The following DTX4 variants were observed in gnomAD, a reference collection of about 807,000 sequenced individuals.
DTX4 encodes the protein deltex E3 ubiquitin ligase 4.
DTX4 carries 28 observed loss-of-function variants against 57.6 expected under a neutral mutation model. The ratio of observed to expected loss-of-function variants is 0.49; its 90% CI spans 0.36 to 0.67. The LOEUF is 0.67. Among genes scored for constraint, DTX4 ranks in the 30% least tolerant of loss-of-function variants. The probability of loss-of-function intolerance (pLI) is 0.00; values close to 1 mark genes in which losing one functional copy is unlikely to be tolerated. For synonymous variants in DTX4, 316 were observed against 331.0 expected, an observed-to-expected ratio of 0.95 and a Z score of 0.49; for missense variants, 715 against 836.8, an observed-to-expected ratio of 0.85 and a Z score of 1.80.
intron 2 of DTX4, among the ~76,000 whole-genome samples, chr11:59,185,626 C>G (rs745846564): frequency 6.6e-6 from 1 of 152,146 alleles, no homozygotes; most frequent in Non-Finnish European, 1.5e-5. Flanking sequence ...ACTTCATGGG[C>G]TGTTCTCCAA....
At chr11:59,178,660 GA>G (rs1862423775) in intron 1 of DTX4, among the ~76,000 whole-genome samples, 1 of 152,228 alleles carries the variant, frequency 6.6e-6, no homozygotes, top group African/African-American at 2.4e-5. Context: ...AGGATGGTAT[GA>G]AAAATGTTGC....
In DTX4 at chr11:59,205,189, C is replaced by T; in HGVS notation, c.*280C>T. ...GGTGCTGGGTAGGCAGGAATCCCCT[C>T]CCTACCCCACCTCCCAAGTAGGGGC... On this transcript the variant is annotated 3_prime_UTR_variant, in exon 9 of 9. Coordinates refer to ENST00000227451, the MANE Select transcript of DTX4 (RefSeq NM_015177.2). 1 of 405,132 alleles carries T rather than the reference C, an allele frequency of 2.5e-6. No individual in the cohort carries two copies. Among genetic ancestry groups the T allele is most frequent in the Admixed American group, 3.5e-5 (1 of 28,212 alleles). The allele number at this position is 405,132 out of a possible 1,614,324, so 25.1% of individuals were successfully genotyped here.
chr11:59,191,436 C>G (rs1268415051), intron 5 of DTX4, among the ~76,000 whole-genome samples: 2 of 152,204 alleles, frequency 1.3e-5, no homozygotes, highest in Non-Finnish European at 2.9e-5. Context: ...TTAGGAAAAA[C>G]AGTGTGATAA....
At position 59,195,303 on chromosome 11, in the gene DTX4, C is replaced by G; in HGVS notation, c.1470C>G (p.His490Gln). 6.2e-7 allele frequency: 1 copy of G among 1,614,030 alleles called. No individual in the cohort carries two copies. The highest frequency in any genetic ancestry group is 8.5e-7 in the Non-Finnish European group (1 of 1,179,880). Reference protein sequence around the residue: ...PGKMEYHLIPHSLPGHPDCKT... With the variant: ...PGKMEYHLIPQSLPGHPDCKT... Reference sequence around the variant, plus strand: ...AGATGGAGTACCACCTCATCCCCCACTCCTTGCCTGGCCACCCAGACTGCA... The same window carrying G: ...AGATGGAGTACCACCTCATCCCCCAGTCCTTGCCTGGCCACCCAGACTGCA... Residue 490 changes from histidine (H) to glutamine (Q), a missense_variant, in exon 7 of 9, where the codon CAC becomes CAG. Transcript: ENST00000227451.
chr11:59,188,066 C>T (rs568670883), intron 2 of DTX4, among the ~76,000 whole-genome samples: 1 of 152,314 alleles, frequency 6.6e-6, no homozygotes, highest in African/African-American at 2.4e-5. Context: ...TTTGTACACC[C>T]TGGTTTGAAC....
Position 59,172,654 on chromosome 11 carries a change from G to T in DTX4, c.59G>T (p.Arg20Leu). Residue 20 changes from arginine to leucine, a missense_variant, in exon 1 of 9, where the codon CGT (arginine) becomes CTT (leucine). Arg to Leu is a moderately radical substitution (Grantham distance 102, BLOSUM62 -2). Coordinates refer to ENST00000227451, the MANE Select transcript of DTX4 (RefSeq NM_015177.2). ...WEWLNEHGRW[R>L]PYSPAVSHHI... is the part of the protein sequence containing the mutation. Reference sequence around the variant, plus strand: ...TGGCTGAACGAGCACGGCCGCTGGCGTCCCTACAGCCCAGCGGTGAGCCAC... The same window carrying T: ...TGGCTGAACGAGCACGGCCGCTGGCTTCCCTACAGCCCAGCGGTGAGCCAC... The T allele has an allele frequency of 6.3e-7, 1 of 1,593,578 alleles. No homozygotes were observed. Among genetic ancestry groups the T allele is most frequent in the Non-Finnish European group, 8.5e-7 (1 of 1,174,744 alleles).
chr11:59,179,921 G>GACACACAC lies in DTX4; in HGVS notation c.212-1805_212-1798dup, dbSNP rs145272277. ...ACCACCCTACACACATACACACACA[G>GACACACAC]ACACACACACACACACACACCCTCA... is the stretch of plus-strand genomic sequence containing the variant. On this transcript the variant is annotated intron_variant, in intron 1 of 8. Transcript: ENST00000227451. Among the ~76,000 whole-genome samples, 305 of 148,388 alleles carry GACACACAC rather than the reference G, an allele frequency of 2.1e-3. 1 individual carries two copies. The highest frequency in any genetic ancestry group is 7.2e-3 in the African/African-American group (293 of 40,614).
chr11:59,200,610 C>T (rs550426894), intron 8 of DTX4, among the ~76,000 whole-genome samples: 1 of 152,310 alleles, frequency 6.6e-6, no homozygotes, highest in South Asian at 2.1e-4. Flanking sequence ...TATGTACTTT[C>T]ATATTATTTG....
At chr11:59,187,147 T>C (rs1267210059) in intron 2 of DTX4, among the ~76,000 whole-genome samples, 2 of 152,210 alleles carry the variant, frequency 1.3e-5, no homozygotes, top group Non-Finnish European at 2.9e-5. Context: ...GTGGGTTTAT[T>C]CATTACGCTC....
chr11:59,181,062 T>A (rs1862456685), intron 1 of DTX4, among the ~76,000 whole-genome samples: 2 of 152,036 alleles, frequency 1.3e-5, no homozygotes, highest in South Asian at 4.2e-4. Context: ...TATAAATGTA[T>A]AGAGATCCAG....
At position 59,192,207 on chromosome 11, in the gene DTX4, A is replaced by G. The variant is rs1322006664; in HGVS notation, c.1331A>G (p.Tyr444Cys). The change falls in exon 6 of 9, where the codon TAC (tyrosine) becomes TGC (cysteine). Residue 444 changes from tyrosine (Y) to cysteine (C), a missense_variant. Coordinates refer to ENST00000227451, the MANE Select transcript of DTX4 (RefSeq NM_015177.2). ...AAGCTGTCCAGATGCGGCCACGTCT[A>G]CCACATCTACTGCTTGGTTGCCATG... ...VGKLSRCGHV[Y>C]HIYCLVAMYN... 1 of 1,613,978 alleles carries G rather than the reference A, an allele frequency of 6.2e-7. No homozygotes were observed.
Position 59,181,996 on chromosome 11 carries a change from C to G in DTX4, c.469C>G (p.Leu157Val), listed in dbSNP as rs1208227168. The G allele has an allele frequency of 6.2e-7, 1 of 1,613,826 alleles. No homozygotes were observed. Among genetic ancestry groups the G allele is most frequent in the Non-Finnish European group, 8.5e-7 (1 of 1,179,884 alleles). ...GCGCCAACGCCGCGTCCGCCGGCGCCTCGACCTCATCTACCCCATGGTCAC... is the reference window on the plus strand; with the variant it reads ...GCGCCAACGCCGCGTCCGCCGGCGCGTCGACCTCATCTACCCCATGGTCAC... ...TQRQRRVRRRLDLIYPMVTGT... is the reference protein window; with the variant it reads ...TQRQRRVRRRVDLIYPMVTGT... Residue 157 changes from leucine (L) to valine (V), a missense_variant, in exon 2 of 9, where the codon CTC (leucine) becomes GTC (valine). Physicochemically the swap from Leu to Val is conservative, Grantham distance 32. Transcript: ENST00000227451.
intron 8 of DTX4, among the ~76,000 whole-genome samples, chr11:59,200,316 A>T (rs1228479612): frequency 6.6e-6 from 1 of 152,202 alleles, no homozygotes; most frequent in Non-Finnish European, 1.5e-5. Flanking sequence ...ACTACAATTC[A>T]AGATGAGGTT....
At chr11:59,192,070 C>T (rs894854954) in intron 5 of DTX4, 28 bp from the exon 6 acceptor site, 33 of 1,600,532 alleles carry the variant, frequency 2.1e-5, no homozygotes, top group Non-Finnish European at 2.6e-5. Context: ...AGCTGACAGC[C>T]TCTCTGCTGT....
chr11:59,195,840 C>G (rs922765091), intron 7 of DTX4, among the ~76,000 whole-genome samples: 1 of 152,206 alleles, frequency 6.6e-6, no homozygotes, highest in East Asian at 1.9e-4. Context: ...GAATGAATAA[C>G]CTTGTACACA....
chr11:59,185,674 G>A (rs755670324), intron 2 of DTX4, among the ~76,000 whole-genome samples: 53 of 152,268 alleles, frequency 3.5e-4, no homozygotes, highest in Middle Eastern at 3.4e-3. Context: ...GAGATCAACC[G>A]TCTCAAGTAC....
chr11:59,199,643 T>G, intron 7 of DTX4, 41 bp from the exon 8 acceptor site: 1 of 1,467,912 alleles, frequency 6.8e-7, no homozygotes, highest in South Asian at 1.2e-5. Context: ...ATCAGAAATA[T>G]TTTGAAAAAT....
chr11:59,201,708 G>A (rs1404784985), intron 8 of DTX4, among the ~76,000 whole-genome samples: 1 of 152,334 alleles, frequency 6.6e-6, no homozygotes, highest in East Asian at 1.9e-4. Context: ...TTAGGGGTCA[G>A]GACCATCCCT....
chr11:59,173,184 C>A (rs1056099500), intron 1 of DTX4, among the ~76,000 whole-genome samples: 2 of 152,226 alleles, frequency 1.3e-5, no homozygotes, highest in Non-Finnish European at 2.9e-5. Flanking sequence ...TTCCTGCCCT[C>A]ATCCCGTGGC....
Sources: allele counts gnomAD v4.1 joint callset (sites outside exome capture counted in the v4.1 genomes callset), GRCh38; gene constraint gnomAD v4.1.1; transcripts MANE v1.5; gene names NCBI Gene and HGNC (gene_info 2026-07-23, HGNC 2026-07-21).